The following PUS7 variants were observed in gnomAD, a reference collection of about 807,000 sequenced individuals.
PUS7 encodes pseudouridylate synthase 7 homolog.
PUS7 carries 48 observed loss-of-function variants against 79.8 expected under a neutral mutation model. That is an observed-to-expected ratio of 0.60 (90% CI 0.48 to 0.76). PUS7 has a LOEUF of 0.76. Among genes scored for constraint, PUS7 ranks in the 30% least tolerant of loss-of-function variants. The pLI is 0.00. For missense variants in PUS7, 729 were observed against 797.6 expected, an observed-to-expected ratio of 0.91 and a Z score of 1.04; for synonymous variants, 286 against 272.2, an observed-to-expected ratio of 1.05 and a Z score of -0.50.
At chr7:105,492,301 A>G (rs1375980817) in intron 6 of PUS7, among the ~76,000 whole-genome samples, 2 of 151,718 alleles carry the variant, frequency 1.3e-5, no homozygotes, top group Non-Finnish European at 2.9e-5. Context: ...AAAAAAACAA[A>G]AAAGGTAAAT....
At chr7:105,480,950 CCA>C (rs1269919594) in intron 9 of PUS7, 100 bp downstream of exon 9, 1 of 1,344,248 alleles carries the variant, frequency 7.4e-7, no homozygotes, top group Non-Finnish European at 1.0e-6. Context: ...TTCATTTGCC[CCA>C]GACATGGGAG....
chr7:105,457,673 T>C lies in PUS7; in HGVS notation c.*117A>G. ...GCTAATAAAAACTTAAAAATACAAA[T>C]AATTTTTATTACAAAGATTTGAAAT... On this transcript the variant is annotated 3_prime_UTR_variant, in exon 16 of 16. Transcript: ENST00000469408. The C allele has an allele frequency of 9.7e-7, 1 of 1,034,474 alleles. No individual in the cohort carries two copies. Among genetic ancestry groups the C allele is most frequent in the Non-Finnish European group, 1.3e-6 (1 of 742,288 alleles). The allele number at this position is 1,034,474 out of a possible 1,614,324, so 64.1% of individuals were successfully genotyped here.
At chr7:105,496,896 C>T in intron 5 of PUS7, 1 of 1,140,452 alleles carries the variant, frequency 8.8e-7, no homozygotes, top group South Asian at 1.7e-5. Flanking sequence ...ATACTTAGCA[C>T]TTGTGACAAA....
At chr7:105,470,500 C>T in intron 11 of PUS7, 188 bp downstream of exon 11, 1 of 489,748 alleles carries the variant, frequency 2.0e-6, no homozygotes, top group Non-Finnish European at 3.4e-6. Context: ...TAAGTAATGC[C>T]CGCATCCACC....
chr7:105,500,590 T>A (rs1485578152), intron 5 of PUS7, among the ~76,000 whole-genome samples: 1 of 152,214 alleles, frequency 6.6e-6, no homozygotes, highest in East Asian at 1.9e-4. Flanking sequence ...GCCTTCATAA[T>A]GGGCAGCACT....
chr7:105,468,746 G>A (rs1426774490), intron 11 of PUS7, among the ~76,000 whole-genome samples: 1 of 151,588 alleles, frequency 6.6e-6, no homozygotes. Flanking sequence ...TCAAACTCCT[G>A]ACCTCAGGTG....
At chr7:105,463,418 C>A (rs1207435517) in intron 13 of PUS7, among the ~76,000 whole-genome samples, 1 of 152,214 alleles carries the variant, frequency 6.6e-6, no homozygotes, top group Non-Finnish European at 1.5e-5. Flanking sequence ...CATATCTTCT[C>A]TAGACCAAAC....
rs1212095683 is a variant in PUS7, at chr7:105,472,202, AAAC to A, written c.1176-12_1176-10del. 2.6e-6 allele frequency: 4 copies of A among 1,523,870 alleles called. No individual in the cohort carries two copies. The highest frequency in any genetic ancestry group is 2.7e-5 in the African/African-American group (2 of 73,000). 94.4% of individuals were successfully genotyped at this position (1,523,870 alleles called of 1,614,324 possible). A position where few individuals can be genotyped will look rare whatever the true frequency, so the allele number is the denominator to read the frequency against. ...AATTTTGTAGTATAGCTCTAAAATTAAACAACATTTATTTTACTAAATTTTGCA... is the reference window on the plus strand; with the variant it reads ...AATTTTGTAGTATAGCTCTAAAATTAAACATTTATTTTACTAAATTTTGCA... On this transcript the variant is annotated splice_polypyrimidine_tract_variant and intron_variant, in intron 9 of 15. Coordinates refer to ENST00000469408, the MANE Select transcript of PUS7 (RefSeq NM_019042.5).
rs1220535538 is a variant in PUS7, at chr7:105,496,226, T to TAGAGAG, written c.731-979_731-974dup. ...ATATATATATATATATATATATATA[T>TAGAGAG]AGAGAGAGAGAGAGAGAGAGAGAGA... On this transcript the variant is annotated intron_variant, in intron 5 of 15. Coordinates refer to ENST00000469408, the MANE Select transcript of PUS7 (RefSeq NM_019042.5). Among the ~76,000 whole-genome samples the TAGAGAG allele has an allele frequency of 4.5e-3, 368 of 81,088 alleles. 3 individuals are homozygous for TAGAGAG. The highest frequency in any genetic ancestry group is 0.013 in the Middle Eastern group (1 of 78). 53.2% of individuals were successfully genotyped at this position (81,088 alleles called of 152,430 possible).
chr7:105,495,116 G>A (rs753509759), intron 6 of PUS7, 26 bp downstream of exon 6: 1 of 1,333,746 alleles, frequency 7.5e-7, no homozygotes, highest in Non-Finnish European at 1.1e-6. Context: ...CTTTGATTTT[G>A]TATAGGCATA....
chr7:105,512,129 A>G (rs1413617851), intron 1 of PUS7, among the ~76,000 whole-genome samples: 2 of 130,002 alleles, frequency 1.5e-5, no homozygotes, highest in Non-Finnish European at 3.2e-5. Context: ...TGGGTGACAG[A>G]GAGAGATTCT....
intron 5 of PUS7, 25 bp from the exon 6 acceptor site, chr7:105,495,278 A>T: frequency 7.9e-7 from 1 of 1,258,250 alleles, no homozygotes; most frequent in Non-Finnish European, 1.1e-6. Flanking sequence ...AATTAACATT[A>T]TATATACCAT....
intron 4 of PUS7, among the ~76,000 whole-genome samples, chr7:105,505,016 T>TTTTTTTTTTTTTTTTTTTTTTTTTA: frequency 6.6e-6 from 1 of 150,618 alleles, no homozygotes; most frequent in South Asian, 2.2e-4. Context: ...TTTTTTTTTT[T>TTTTTTTTTTTTTTTTTTTTTTTTTA]TTGATATGGA....
At chr7:105,476,084 A>G (rs151270508) in intron 9 of PUS7, among the ~76,000 whole-genome samples, 1 of 142,138 alleles carries the variant, frequency 7.0e-6, no homozygotes, top group Non-Finnish European at 1.5e-5. Context: ...AGATGGCGCC[A>G]CTGCACTCCA....
chr7:105,510,601 C>T (rs910249178), intron 1 of PUS7, among the ~76,000 whole-genome samples: 1 of 152,000 alleles, frequency 6.6e-6, no homozygotes, highest in African/African-American at 2.4e-5. Context: ...GCAACCTCCA[C>T]CTCCTGGGCT....
intron 5 of PUS7, among the ~76,000 whole-genome samples, chr7:105,497,639 G>A (rs1251468965): frequency 6.6e-6 from 1 of 152,132 alleles, no homozygotes; most frequent in East Asian, 1.9e-4. Context: ...TATGCAATAG[G>A]TATGTGATAG....
At chr7:105,480,160 T>C (rs1245553581) in intron 9 of PUS7, among the ~76,000 whole-genome samples, 1 of 152,092 alleles carries the variant, frequency 6.6e-6, no homozygotes, top group Non-Finnish European at 1.5e-5. Flanking sequence ...GAGCCAAGAC[T>C]TACCTGTTAC....
At chr7:105,507,952 AAGGCTATTTATTC>A (rs1417838396) in intron 2 of PUS7, among the ~76,000 whole-genome samples, 150 bp downstream of exon 2, 1 of 152,128 alleles carries the variant, frequency 6.6e-6, no homozygotes, top group Admixed American at 6.6e-5. Context: ...TTAAAAATCC[AAGGCTATTTATTC>A]AGGCAGGTTT....
chr7:105,517,115 G>C (rs1297022829), intron 1 of PUS7, among the ~76,000 whole-genome samples: 1 of 151,888 alleles, frequency 6.6e-6, no homozygotes, highest in Non-Finnish European at 1.5e-5. Flanking sequence ...AAACCAGGAA[G>C]AGAATGAACT....
Sources: allele counts gnomAD v4.1 joint callset (sites outside exome capture counted in the v4.1 genomes callset), GRCh38; gene constraint gnomAD v4.1.1; transcripts MANE v1.5; gene names NCBI Gene and HGNC (gene_info 2026-07-23, HGNC 2026-07-21).